The following CNTN4 variants were observed in gnomAD, a reference collection of about 807,000 sequenced individuals.
CNTN4 encodes contactin-4.
CNTN4 carries 77 observed loss-of-function variants against 122.5 expected under a neutral mutation model. The observed-to-expected ratio is 0.63, with a 90% CI of 0.52 to 0.76. The LOEUF (loss-of-function observed/expected upper bound fraction) is 0.76. Ranked by LOEUF, CNTN4 falls within the 30% of genes least tolerant of loss-of-function variation. The pLI is 0.00. For missense variants in CNTN4, 1,256 were observed against 1,259.1 expected (o/e 1.00, Z 0.04); for synonymous variants, 512 against 447.0 (o/e 1.15, Z -1.83).
chr3:2,390,658 T>C (rs944635885), intron 3 of CNTN4, among the ~76,000 whole-genome samples: 22 of 152,336 alleles, frequency 1.4e-4, no homozygotes, highest in Admixed American at 3.9e-4. Context: ...AGCTACTGGT[T>C]GATTAATAAC....
In CNTN4 at chr3:2,709,805, T is replaced by C. The variant is rs574595501; in HGVS notation, c.56-26410T>C. ...GGTGCACACCTGTAGTCCCAGCTAC[T>C]TGGGAGGCTGAGCCAGGAGAGCCCG... On this transcript the variant is annotated intron_variant, in intron 4 of 24. Coordinates refer to ENST00000418658, the MANE Select transcript of CNTN4 (RefSeq NM_175607.3). The surrounding 1 kb of genome is among the most constrained non-coding windows in gnomAD (Gnocchi z 5.0). Among the ~76,000 whole-genome samples, 2 of 152,006 alleles carry C rather than the reference T, an allele frequency of 1.3e-5. No individual in the cohort carries two copies. Among genetic ancestry groups the C allele is most frequent in the Non-Finnish European group, 2.9e-5 (2 of 68,004 alleles).
At chr3:2,744,642 G>A (rs1576636513) in intron 5 of CNTN4, among the ~76,000 whole-genome samples, 1 of 152,164 alleles carries the variant, frequency 6.6e-6, no homozygotes, top group African/African-American at 2.4e-5. Flanking sequence ...TAGTGCAAAC[G>A]TTCTGAAGTG....
intron 3 of CNTN4, among the ~76,000 whole-genome samples, chr3:2,448,468 G>A (rs2151333907): frequency 6.6e-6 from 1 of 152,290 alleles, no homozygotes; most frequent in East Asian, 1.9e-4. Context: ...AATGCAAGTG[G>A]TGAAAACTCA....
intron 4 of CNTN4, among the ~76,000 whole-genome samples, chr3:2,668,991 G>C (rs1245912086): frequency 6.6e-6 from 1 of 152,158 alleles, no homozygotes; most frequent in East Asian, 1.9e-4. Context: ...GATTCGGTTT[G>C]CCAGTATTTT....
chr3:2,444,415 G>T (rs972558546), intron 3 of CNTN4, among the ~76,000 whole-genome samples: 1 of 152,066 alleles, frequency 6.6e-6, no homozygotes, highest in African/African-American at 2.4e-5. Context: ...TGCTTGTCCT[G>T]GGAAGATGGG....
intron 2 of CNTN4, among the ~76,000 whole-genome samples, chr3:2,247,335 G>C (rs2040195797): frequency 6.6e-6 from 1 of 151,994 alleles, no homozygotes. Context: ...CTGTATTAGA[G>C]CAGATCTACT....
At chr3:2,373,348 C>T (rs1207357997) in intron 3 of CNTN4, among the ~76,000 whole-genome samples, 2 of 152,228 alleles carry the variant, frequency 1.3e-5, no homozygotes, top group Non-Finnish European at 2.9e-5. Context: ...CACCTCTTTT[C>T]TCATCCCTAA....
intron 4 of CNTN4, among the ~76,000 whole-genome samples, chr3:2,692,521 T>A (rs1228881249): frequency 6.6e-6 from 1 of 152,172 alleles, no homozygotes; most frequent in Non-Finnish European, 1.5e-5. Flanking sequence ...TTTAGTATGA[T>A]AAAAATTAGG....
intron 12 of CNTN4, among the ~76,000 whole-genome samples, chr3:2,923,292 A>G: frequency 1.2e-5 from 1 of 80,050 alleles, no homozygotes; most frequent in East Asian, 2.1e-4. Context: ...AATATCATTT[A>G]AAAAAAAACT....
intron 7 of CNTN4, among the ~76,000 whole-genome samples, chr3:2,862,747 A>C (rs1297650044): frequency 6.7e-6 from 1 of 149,666 alleles, no homozygotes; most frequent in Non-Finnish European, 1.5e-5. Context: ...GTTGCAGCAC[A>C]GAAAAGTTTA....
chr3:2,225,321 T>C (rs925041607), intron 2 of CNTN4, among the ~76,000 whole-genome samples: 1 of 151,272 alleles, frequency 6.6e-6, no homozygotes, highest in Admixed American at 6.6e-5. Flanking sequence ...AAGACAAGCC[T>C]GGCCAAGATG....
At chr3:2,580,693 T>G (rs2079895506) in intron 4 of CNTN4, among the ~76,000 whole-genome samples, 1 of 152,200 alleles carries the variant, frequency 6.6e-6, no homozygotes, top group Non-Finnish European at 1.5e-5. Flanking sequence ...TGCTTAACAG[T>G]CTATTTAAGA....
intron 2 of CNTN4, among the ~76,000 whole-genome samples, chr3:2,275,595 A>G (rs1262546806): frequency 2.6e-5 from 4 of 152,096 alleles, no homozygotes; most frequent in East Asian, 3.9e-4. Flanking sequence ...TCACAATTAC[A>G]TGTTCTTTCA....
At chr3:2,626,544 T>C (rs1286252298) in intron 4 of CNTN4, among the ~76,000 whole-genome samples, 2 of 151,860 alleles carry the variant, frequency 1.3e-5, no homozygotes, top group Admixed American at 6.6e-5. Context: ...CTATTTTTCA[T>C]ATGGGTAAAA....
intron 3 of CNTN4, among the ~76,000 whole-genome samples, chr3:2,442,572 C>A (rs2048480100): frequency 6.6e-6 from 1 of 150,650 alleles, no homozygotes; most frequent in South Asian, 2.1e-4. Flanking sequence ...TGTCGTTAAC[C>A]CCCATCCCTA....
At chr3:2,864,182 G>A (rs537120328) in intron 7 of CNTN4, among the ~76,000 whole-genome samples, 2 of 152,278 alleles carry the variant, frequency 1.3e-5, no homozygotes, top group Non-Finnish European at 1.5e-5. Flanking sequence ...CCACTTACCT[G>A]CATCACATTT....
intron 4 of CNTN4, among the ~76,000 whole-genome samples, chr3:2,609,699 A>G (rs150316556): frequency 1.4e-4 from 22 of 152,328 alleles, no homozygotes; most frequent in African/African-American, 5.3e-4. Flanking sequence ...TGAGACTTGA[A>G]AAGTTCAGTG....
chr3:2,274,194 C>T (rs532590654), intron 2 of CNTN4, among the ~76,000 whole-genome samples: 58 of 152,158 alleles, frequency 3.8e-4, no homozygotes, highest in African/African-American at 1.3e-3. Flanking sequence ...ACCAGCCTGT[C>T]CAACATGGTG....
intron 6 of CNTN4, among the ~76,000 whole-genome samples, chr3:2,757,992 GATTTGTTC>G (rs1220118282): frequency 6.6e-5 from 10 of 152,148 alleles, no homozygotes; most frequent in African/African-American, 2.4e-4. Flanking sequence ...TAGCATTTCA[GATTTGTTC>G]ATTTGTTCAT....
Sources: allele counts gnomAD v4.1 joint callset (sites outside exome capture counted in the v4.1 genomes callset), GRCh38; gene constraint gnomAD v4.1.1; non-coding constraint Gnocchi (gnomAD v3.1); transcripts MANE v1.5; gene names NCBI Gene and HGNC (gene_info 2026-07-23, HGNC 2026-07-21).